IRAK1BP1: variants seen among roughly 807,000 people sequenced by gnomAD.
IRAK1BP1 encodes interleukin-1 receptor-associated kinase 1-binding protein 1.
Under a neutral mutation model 28.0 loss-of-function variants are expected in IRAK1BP1, and 24 were observed. That is an observed-to-expected ratio of 0.86 (90% confidence interval 0.62 to 1.20). The LOEUF (loss-of-function observed/expected upper bound fraction) is 1.20. Among genes scored for constraint, IRAK1BP1 ranks in the 50% most tolerant of loss-of-function variants. The pLI is 0.00. For missense variants in IRAK1BP1, 336 were observed against 316.7 expected, an observed-to-expected ratio of 1.06 and a Z score of -0.46; for synonymous variants, 131 against 116.3, an observed-to-expected ratio of 1.13 and a Z score of -0.81.
Position 78,885,458 on chromosome 6 carries a change from A to AC in IRAK1BP1, c.381+15_381+16insC. 1 of 579,880 alleles carries AC rather than the reference A, an allele frequency of 1.7e-6. No individual in the cohort carries two copies. The highest frequency in any genetic ancestry group is 2.4e-5 in the African/African-American group (1 of 41,344). 35.9% of individuals were successfully genotyped at this position (579,880 alleles called of 1,614,324 possible). On this transcript the variant is annotated intron_variant, in intron 2 of 3. Coordinates refer to ENST00000369940, the MANE Select transcript of IRAK1BP1 (RefSeq NM_001010844.4). Reference sequence around the variant, plus strand: ...TGGAAGCAGAGGTATGTACTTAACAAATAATTGGAAGCAGCATGATTTTGT... The same window carrying AC: ...TGGAAGCAGAGGTATGTACTTAACAACATAATTGGAAGCAGCATGATTTTGT...
At chr6:78,971,245 A>G in the IRAK1BP1 span, among the ~76,000 whole-genome samples, 1 of 152,214 alleles carries the variant, frequency 6.6e-6, no homozygotes, top group South Asian at 2.1e-4. Flanking sequence ...GTTTGTACAT[A>G]TGCAGAAAAC....
chr6:78,970,710 C>G, the IRAK1BP1 span: 1 of 979,280 alleles, frequency 1.0e-6, no homozygotes. Context: ...TAATAGTAAC[C>G]TTTGATACAA....
chr6:78,946,051 G>C, exon 5 of IRAK1BP1: 1 of 1,612,362 alleles, frequency 6.2e-7, no homozygotes. Flanking sequence ...AAAAGTCTTT[G>C]CAGCTGAAGA....
downstream of IRAK1BP1, among the ~76,000 whole-genome samples, chr6:78,904,491 T>TA (rs576081471): frequency 1.1e-4 from 17 of 152,316 alleles, no homozygotes; most frequent in East Asian, 3.3e-3. Flanking sequence ...CAATTTTTAG[T>TA]AAACAGATGC....
At chr6:78,921,197 G>A (rs1027277935) in intron 4 of IRAK1BP1, among the ~76,000 whole-genome samples, 1 of 152,130 alleles carries the variant, frequency 6.6e-6, no homozygotes, top group Non-Finnish European at 1.5e-5. Context: ...GTGACAGATG[G>A]CAACTAGAAA....
intron 4 of IRAK1BP1, among the ~76,000 whole-genome samples, chr6:78,909,994 T>C (rs1772361666): frequency 6.6e-6 from 1 of 152,150 alleles, no homozygotes; most frequent in African/African-American, 2.4e-5. Context: ...AATGAAAAAG[T>C]TCAGGTGGGT....
At chr6:78,972,855 G>C in the IRAK1BP1 span, among the ~76,000 whole-genome samples, 2 of 152,156 alleles carry the variant, frequency 1.3e-5, no homozygotes, top group Admixed American at 1.3e-4. Context: ...AATGAGCAAA[G>C]CCTCCAAGAA....
Position 78,898,169 on chromosome 6 carries a change from A to C in IRAK1BP1, c.618A>C (p.Glu206Asp). The change falls in exon 4 of 4, where the codon GAA becomes GAC. Residue 206 changes from glutamate to aspartate, a missense_variant. Coordinates refer to ENST00000369940, the MANE Select transcript of IRAK1BP1 (RefSeq NM_001010844.4). Reference protein sequence around the residue: ...TLGKPLLIKEEETKEWEGQID... With the variant: ...TLGKPLLIKEDETKEWEGQID... ...GAAAACCTTTACTAATCAAAGAAGA[A>C]GAAACAAAAGAATGGGAAGGCCAAA... 6.2e-7 allele frequency: 1 copy of C among 1,613,894 alleles called. No individual in the cohort carries two copies. Among genetic ancestry groups the C allele is most frequent in the South Asian group, 1.1e-5 (1 of 91,076 alleles).
At chr6:78,871,857 C>T in intron 1 of IRAK1BP1, 1 of 472,330 alleles carries the variant, frequency 2.1e-6, no homozygotes, top group Non-Finnish European at 3.7e-6. Flanking sequence ...CTATTGATAC[C>T]ACTACTTGTA....
intron 4 of IRAK1BP1, chr6:78,936,294 T>C (rs1163438293): frequency 1.3e-5 from 2 of 151,972 alleles, no homozygotes; most frequent in Admixed American, 6.6e-5. Context: ...TTTTTAAAAA[T>C]TGAGCTACAT....
intron 2 of IRAK1BP1, among the ~76,000 whole-genome samples, chr6:78,895,316 C>T (rs554505386): frequency 6.6e-6 from 1 of 152,074 alleles, no homozygotes; most frequent in African/African-American, 2.4e-5. Flanking sequence ...CAATTCTATA[C>T]AAATTTTTCC....
chr6:78,871,175 C>T, intron 1 of IRAK1BP1: 2 of 769,268 alleles, frequency 2.6e-6, no homozygotes, highest in Non-Finnish European at 3.2e-6. Flanking sequence ...TGAATGCTAC[C>T]AAGAATTACC....
At chr6:78,945,855 T>G in exon 5 of IRAK1BP1, 1 of 667,672 alleles carries the variant, frequency 1.5e-6, no homozygotes, top group Non-Finnish European at 2.5e-6. Context: ...TTAAAAACTT[T>G]TTTTTAAAAT....
chr6:78,946,847 C>T (rs1773847693), downstream of IRAK1BP1: 2 of 1,572,722 alleles, frequency 1.3e-6, no homozygotes, highest in Admixed American at 2.0e-5. Flanking sequence ...TCAAAGAAAG[C>T]AGACAGGCGC....
At chr6:78,965,815 A>T in the IRAK1BP1 span, 7 of 1,208,638 alleles carry the variant, frequency 5.8e-6, no homozygotes, top group Non-Finnish European at 8.4e-6. Context: ...ATTGTATCAC[A>T]ATTTTAATAA....
intron 4 of IRAK1BP1, among the ~76,000 whole-genome samples, chr6:78,927,132 C>T (rs945362025): frequency 6.6e-6 from 1 of 152,122 alleles, no homozygotes. Context: ...AAACTATTCT[C>T]CATAGTGGTT....
At chr6:78,896,960 G>A (rs555945847) in intron 2 of IRAK1BP1, among the ~76,000 whole-genome samples, 6 of 152,142 alleles carry the variant, frequency 3.9e-5, no homozygotes, top group Admixed American at 1.3e-4. Flanking sequence ...TTGTGTTAAG[G>A]GTTCTTTAGA....
chr6:78,893,480 C>T (rs1771759115), intron 2 of IRAK1BP1, among the ~76,000 whole-genome samples: 1 of 151,600 alleles, frequency 6.6e-6, no homozygotes, highest in Admixed American at 6.6e-5. Context: ...TAAATGACAT[C>T]ATTTAAGCAG....
At chr6:78,948,257 A>C (rs778088886), downstream of IRAK1BP1, among the ~76,000 whole-genome samples, 5 of 152,114 alleles carry the variant, frequency 3.3e-5, no homozygotes, top group African/African-American at 4.8e-5. Flanking sequence ...TTCAGTACTA[A>C]AATTGGGAGT....
Sources: allele counts gnomAD v4.1 joint callset (sites outside exome capture counted in the v4.1 genomes callset), GRCh38; gene constraint gnomAD v4.1.1; transcripts MANE v1.5; gene names NCBI Gene and HGNC (gene_info 2026-07-23, HGNC 2026-07-21).